FHL1: variants seen among roughly 807,000 people sequenced by gnomAD.
FHL1 encodes four and a half LIM domains protein 1.
In FHL1, 1 loss-of-function variant was observed where a neutral mutation model predicts 20.3. That is an observed-to-expected ratio of 0.05 (90% CI 0.02 to 0.23). The LOEUF is 0.23. Among genes scored for constraint, FHL1 ranks in the 10% least tolerant of loss-of-function variants. FHL1 has a pLI of 1.00. For missense variants in FHL1, 177 were observed against 234.0 expected (o/e 0.76, Z 1.59); for synonymous variants, 82 against 88.9 (o/e 0.92, Z 0.44).
intron 1 of FHL1, among the ~76,000 whole-genome samples, chrX:136,201,022 G>C (rs1047949310): frequency 1.8e-5 from 2 of 111,244 alleles, no homozygotes; most frequent in Admixed American, 1.9e-4. Context: ...AAATTAGCCA[G>C]GCTTGGTGGT....
chrX:136,178,759 T>C (rs751606216), intron 2 of FHL1, among the ~76,000 whole-genome samples: 46 of 18,307 alleles, frequency 2.5e-3, no homozygotes, highest in African/African-American at 4.6e-3. Flanking sequence ...TTTCTATTCT[T>C]TTTTTTTTTT....
At chrX:136,180,893 C>T (rs1378326554) in intron 2 of FHL1, among the ~76,000 whole-genome samples, 1 of 111,441 alleles carries the variant, frequency 9.0e-6, no homozygotes, top group African/African-American at 3.3e-5. Context: ...AGGCGCTTAC[C>T]ACTACGCCTG....
intron 1 of FHL1, among the ~76,000 whole-genome samples, chrX:136,160,457 C>A (rs966216692): frequency 1.8e-5 from 2 of 111,549 alleles, no homozygotes; most frequent in African/African-American, 6.5e-5. Context: ...GAAACTGTGT[C>A]TTGCTCTGTC....
At chrX:136,196,783 A>G (rs2073565526), upstream of FHL1, 1 of 1,163,071 alleles carries the variant, frequency 8.6e-7, no homozygotes, top group Non-Finnish European at 1.1e-6. Context: ...GCCGAGTCCA[A>G]ATTTTATTCC....
intron 2 of FHL1, among the ~76,000 whole-genome samples, chrX:136,171,212 T>C (rs748936562): frequency 9.0e-6 from 1 of 110,998 alleles, no homozygotes; most frequent in Non-Finnish European, 1.9e-5. Context: ...CTGCCATAGC[T>C]CTCATTCATA....
At chrX:136,164,558 CT>C (rs764803664) in intron 1 of FHL1, among the ~76,000 whole-genome samples, 4 of 111,047 alleles carry the variant, frequency 3.6e-5, no homozygotes, top group Non-Finnish European at 5.7e-5. Flanking sequence ...ATATTTGTCC[CT>C]TTATGTTTTT....
intron 2 of FHL1, chrX:136,182,689 C>T (rs1257220456): frequency 1.8e-5 from 2 of 112,287 alleles, no homozygotes; most frequent in East Asian, 2.8e-4. Context: ...TTTCTCACTT[C>T]CCTATAGGGG....
chrX:136,209,106 T>C (rs2073936122), intron 5 of FHL1: 1 of 535,343 alleles, frequency 1.9e-6, no homozygotes, highest in Admixed American at 4.2e-5. Context: ...GTTTTTGCGA[T>C]CAGCAAAGCT....
intron 2 of FHL1, among the ~76,000 whole-genome samples, chrX:136,173,335 AAC>A (rs1424626874): frequency 8.9e-6 from 1 of 112,495 alleles, no homozygotes; most frequent in African/African-American, 3.2e-5. Context: ...ATATTCACAA[AAC>A]ACAAAATTTT....
intron 1 of FHL1, among the ~76,000 whole-genome samples, chrX:136,150,665 G>A: frequency 8.9e-6 from 1 of 111,923 alleles, no homozygotes; most frequent in East Asian, 2.8e-4. Flanking sequence ...ATGACTTTTC[G>A]TTTATTCAAC....
intron 3 of FHL1, 92 bp downstream of exon 3, chrX:136,207,282 C>T (rs1006530643): frequency 1.1e-6 from 1 of 912,686 alleles, no homozygotes; most frequent in Non-Finnish European, 1.5e-6. Context: ...GCTAACGTTG[C>T]TCTGAGCTGC....
chrX:136,201,229 G>T (rs2073699571), intron 1 of FHL1, among the ~76,000 whole-genome samples: 1 of 112,206 alleles, frequency 8.9e-6, no homozygotes, highest in African/African-American at 3.2e-5. Context: ...GACCAAGCAG[G>T]CTACTTGAGA....
At chrX:136,186,893 TAGA>T (rs2073317596) in intron 2 of FHL1, among the ~76,000 whole-genome samples, 1 of 102,449 alleles carries the variant, frequency 9.8e-6, no homozygotes, top group African/African-American at 3.5e-5. Context: ...GATAGATAGA[TAGA>T]TAGATAGATA....
chrX:136,193,254 G>A (rs182377148), upstream of FHL1, among the ~76,000 whole-genome samples: 201 of 111,911 alleles, frequency 1.8e-3, 2 homozygotes, highest in South Asian at 0.031. Flanking sequence ...AGTAAAGGGA[G>A]AAGGGTGACC....
At chrX:136,196,884 G>T (rs1260646940), upstream of FHL1, 1 of 1,154,624 alleles carries the variant, frequency 8.7e-7, no homozygotes. Context: ...GTAGCGTTTG[G>T]TATTTTTACT....
intron 2 of FHL1, among the ~76,000 whole-genome samples, chrX:136,173,873 A>G (rs1451226897): frequency 9.1e-6 from 1 of 109,642 alleles, no homozygotes; most frequent in Non-Finnish European, 1.9e-5. Context: ...AATTTTTTGT[A>G]TTTTTTAGTA....
chrX:136,173,466 T>A lies in FHL1; in HGVS notation c.-27+3486T>A, dbSNP rs1039038836. ...AGATGGGTTACACAGACTTAGAGGATTTGGAAACCATCACTTTAGAGCCAA... is the reference window on the plus strand; with the variant it reads ...AGATGGGTTACACAGACTTAGAGGAATTGGAAACCATCACTTTAGAGCCAA... On this transcript the variant is annotated intron_variant, in intron 2 of 6. Transcript: ENST00000394153. Among the ~76,000 whole-genome samples, 8 of 111,937 alleles carry A rather than the reference T, an allele frequency of 7.1e-5. No homozygotes were observed. In the Admixed American group the frequency reaches 7.6e-4, roughly 11 times the overall value.
At position 136,182,571 on chromosome X, in the gene FHL1, C is replaced by G. The variant is rs773286504; in HGVS notation, c.-27+12591C>G. The G allele has an allele frequency of 5.4e-5, 6 of 112,138 alleles. No individual in the cohort carries two copies. The East Asian group carries it at 1.4e-3, about 26-fold the overall frequency. 9.2% of individuals were successfully genotyped at this position (112,138 alleles called of 1,213,427 possible). A position where few individuals can be genotyped will look rare whatever the true frequency, so the allele number is the denominator to read the frequency against. On this transcript the variant is annotated intron_variant, in intron 2 of 6. Coordinates refer to the FHL1 transcript ENST00000394153. ...CAGTCCCCAGAATTGTGTGCAAACA[C>G]ACTCTCTTGGCCCAGGGGTTTGGCT... is the stretch of plus-strand genomic sequence containing the variant.
At chrX:136,170,720 G>T (rs1303729876) in intron 2 of FHL1, among the ~76,000 whole-genome samples, 2 of 110,802 alleles carry the variant, frequency 1.8e-5, no homozygotes, top group Non-Finnish European at 3.8e-5. Context: ...TACAGTAATG[G>T]TCCCTCCTTT....
Sources: gnomAD v4.1 joint callset for allele counts (sites outside exome capture counted in the v4.1 genomes callset) on GRCh38, gnomAD v4.1.1 for gene constraint, MANE v1.5 for transcripts, NCBI Gene and HGNC (gene_info 2026-07-23, HGNC 2026-07-21) for gene names.